Variants in MAN2A1 observed in about 807,000 individuals in gnomAD.
The protein encoded by MAN2A1 is alpha-mannosidase 2.
Under a neutral mutation model 142.6 loss-of-function variants are expected in MAN2A1, and 76 were observed. The observed-to-expected ratio is 0.53, with a 90% CI of 0.44 to 0.65. The LOEUF (loss-of-function observed/expected upper bound fraction) is 0.65, where lower values mean the gene tolerates loss of function less well. MAN2A1 is among the 30% of genes least tolerant of loss of function. The pLI, the probability that MAN2A1 is intolerant of heterozygous loss-of-function variation, is 0.00. For missense variants in MAN2A1, 1,311 were observed against 1,365.1 expected (o/e 0.96, Z 0.62); for synonymous variants, 559 against 473.2 (o/e 1.18, Z -2.35).
rs750687971 is a variant in MAN2A1, at chr5:109,855,305, C to G, written c.3142C>G (p.Leu1048Val). Reference protein sequence around the residue: ...LQSSLPCDIHLVNLRTIQSKV... With the variant: ...LQSSLPCDIHVVNLRTIQSKV... ...GTCATCTTTGCCTTGTGACATTCAT[C>G]TGGTTAATTTGAGAACAATACAGTC... is the stretch of plus-strand genomic sequence containing the variant. The change falls in exon 20 of 22, where the codon CTG becomes GTG. Residue 1048 changes from leucine to valine, a missense_variant. By Grantham distance (32) the Leu-to-Val change is conservative. Around this residue, in one of 3 missense-constraint regions of MAN2A1, gnomAD observed 890 missense variants for 920.5 expected, o/e 0.97. Coordinates refer to ENST00000261483, the MANE Select transcript of MAN2A1 (RefSeq NM_002372.4). The G allele has an allele frequency of 1.9e-6, 3 of 1,596,534 alleles. No individual in the cohort carries two copies. Among genetic ancestry groups the G allele is most frequent in the East Asian group, 4.7e-5 (2 of 42,976 alleles).
chr5:109,741,758 T>C (rs1173633936), intron 4 of MAN2A1, among the ~76,000 whole-genome samples: 3 of 152,230 alleles, frequency 2.0e-5, no homozygotes. Context: ...TATAAGCTTT[T>C]AAAAGTGAAA....
At chr5:109,811,232 C>T (rs1026637070) in intron 12 of MAN2A1, among the ~76,000 whole-genome samples, 1 of 151,636 alleles carries the variant, frequency 6.6e-6, no homozygotes, top group African/African-American at 2.4e-5. Context: ...CATCTAGTAA[C>T]CATTTGTCTT....
chr5:109,860,271 T>C (rs922092200), intron 20 of MAN2A1, among the ~76,000 whole-genome samples: 1 of 152,202 alleles, frequency 6.6e-6, no homozygotes, highest in African/African-American at 2.4e-5. Flanking sequence ...CATTTTATCT[T>C]GTTGATCAAA....
At position 109,847,779 on chromosome 5, in the gene MAN2A1, G is replaced by A. The variant is rs775896983; in HGVS notation, c.2965G>A (p.Ala989Thr). ...LFRILLEKRSAVNTEEEKKSV... is the reference protein window; with the variant it reads ...LFRILLEKRSTVNTEEEKKSV... ...TCGAATACTACTAGAAAAAAGAAGT[G>A]CTGTTAATACGGTATGAAAAAATAA... The change falls in exon 19 of 22, where the codon GCT (alanine) becomes ACT (threonine). Residue 989 changes from alanine (A) to threonine (T), a missense_variant. Physicochemically the swap from Ala to Thr is moderately conservative, Grantham distance 58. This residue lies in a region of MAN2A1 where 890 missense variants were observed against 920.5 expected (regional missense o/e 0.97). Coordinates refer to ENST00000261483, the MANE Select transcript of MAN2A1 (RefSeq NM_002372.4). 86 of 1,582,968 alleles carry A rather than the reference G, an allele frequency of 5.4e-5. 2 individuals are homozygous for A. In the South Asian group the frequency reaches 9.4e-4, roughly 17 times the overall value.
chr5:109,781,630 T>G, intron 9 of MAN2A1, 32 bp downstream of exon 9: 2 of 1,421,422 alleles, frequency 1.4e-6, no homozygotes, highest in South Asian at 2.7e-5. Context: ...TACATGTATT[T>G]TTTCACTTTA....
In MAN2A1 at chr5:109,706,751, G is replaced by GA. The variant is rs11410281; in HGVS notation, c.136-6759dup. Reference sequence around the variant, plus strand: ...GAATCTAACACAATTAGATTTGAAGGAAAAAAAAAACATAAATGAAAGGTG... The same window carrying GA: ...GAATCTAACACAATTAGATTTGAAGGAAAAAAAAAAACATAAATGAAAGGTG... On this transcript the variant is annotated intron_variant, in intron 1 of 21. Coordinates refer to ENST00000261483, the MANE Select transcript of MAN2A1 (RefSeq NM_002372.4). Among the ~76,000 whole-genome samples, 1,205 of 146,940 alleles carry GA rather than the reference G, an allele frequency of 8.2e-3. 25 individuals are homozygous for GA. The highest frequency in any genetic ancestry group is 0.027 in the African/African-American group (1,090 of 40,152).
chr5:109,855,120 T>C lies in MAN2A1; in HGVS notation c.2977-20T>C. 1 of 1,454,444 alleles carries C rather than the reference T, an allele frequency of 6.9e-7. No homozygotes were observed. Among genetic ancestry groups the C allele is most frequent in the Non-Finnish European group, 9.2e-7 (1 of 1,090,710 alleles). The allele number at this position is 1,454,444 out of a possible 1,614,324, so 90.1% of individuals were successfully genotyped here. A position where few individuals can be genotyped will look rare whatever the true frequency, so the allele number is the denominator to read the frequency against. On this transcript the variant is annotated intron_variant, in intron 19 of 21. Transcript: ENST00000261483. ...ACTGGAAATATAGACCTCTTAAACA[T>C]TTTTGTTTTTTCTTGATAGGAAGAA...
intron 4 of MAN2A1, among the ~76,000 whole-genome samples, chr5:109,750,838 A>G (rs1434545115): frequency 1.3e-5 from 2 of 151,938 alleles, no homozygotes; most frequent in Admixed American, 6.6e-5. Context: ...GTTTTATTGT[A>G]TTTTTATATT....
intron 5 of MAN2A1, among the ~76,000 whole-genome samples, chr5:109,758,753 TTTAG>T (rs1398945907): frequency 2.0e-5 from 3 of 150,158 alleles, no homozygotes; most frequent in Non-Finnish European, 4.4e-5. Context: ...AATATTAATT[TTTAG>T]TTAATATTTG....
At chr5:109,739,199 T>C (rs1460662653) in intron 4 of MAN2A1, among the ~76,000 whole-genome samples, 3 of 152,144 alleles carry the variant, frequency 2.0e-5, no homozygotes, top group African/African-American at 7.2e-5. Context: ...TAAAGCTTTC[T>C]TATATAATGC....
intron 1 of MAN2A1, among the ~76,000 whole-genome samples, chr5:109,705,656 G>A (rs1413644870): frequency 2.6e-5 from 4 of 152,146 alleles, no homozygotes; most frequent in East Asian, 1.9e-4. Flanking sequence ...ACTTAGTGGC[G>A]TAAAACAAGA....
rs79029715 is a variant in MAN2A1, at chr5:109,816,462, T to C, written c.1944-811T>C. 2.4e-3 allele frequency among the ~76,000 whole-genome samples: 368 copies of C among 152,298 alleles called. 5 individuals are homozygous for C. Among genetic ancestry groups the C allele is most frequent in the African/African-American group, 8.1e-3 (337 of 41,560 alleles). ...AATTTTTTTTTTCACCATTACTTAC[T>C]ATAAACATTTGGGGCCCTGTTACAA... is the stretch of plus-strand genomic sequence containing the variant. On this transcript the variant is annotated intron_variant, in intron 12 of 21. Coordinates refer to ENST00000261483, the MANE Select transcript of MAN2A1 (RefSeq NM_002372.4).
chr5:109,828,283 C>T (rs915752420), intron 16 of MAN2A1, among the ~76,000 whole-genome samples: 1 of 152,126 alleles, frequency 6.6e-6, no homozygotes, highest in Non-Finnish European at 1.5e-5. Flanking sequence ...ATTAATTTTT[C>T]TTGCAGTATA....
intron 12 of MAN2A1, among the ~76,000 whole-genome samples, chr5:109,789,904 A>C (rs1214287718): frequency 6.6e-6 from 1 of 151,812 alleles, no homozygotes; most frequent in East Asian, 1.9e-4. Flanking sequence ...TGAAAGAAGA[A>C]ACTTTATTAT....
chr5:109,830,595 A>G (rs751457619), intron 16 of MAN2A1, among the ~76,000 whole-genome samples: 2 of 152,234 alleles, frequency 1.3e-5, no homozygotes, highest in African/African-American at 2.4e-5. Flanking sequence ...AAGATTCATG[A>G]AGACATTAAG....
At chr5:109,817,142 G>A in intron 12 of MAN2A1, 131 bp from the exon 13 acceptor site, 1 of 832,316 alleles carries the variant, frequency 1.2e-6, no homozygotes, top group Non-Finnish European at 1.8e-6. Flanking sequence ...CTCCAGCCTG[G>A]GTGACAGAGT....
At chr5:109,713,879 G>T in intron 2 of MAN2A1, 105 bp downstream of exon 2, 4 of 1,014,190 alleles carry the variant, frequency 3.9e-6, no homozygotes, top group South Asian at 3.7e-5. Context: ...TAAACTCTTT[G>T]GATTCTAGTT....
intron 4 of MAN2A1, among the ~76,000 whole-genome samples, chr5:109,730,492 G>T (rs952671946): frequency 6.6e-6 from 1 of 151,442 alleles, no homozygotes; most frequent in Admixed American, 6.6e-5. Context: ...CCAATCTAGA[G>T]GTCAAATAAA....
At chr5:109,719,295 T>C (rs1354674660) in intron 3 of MAN2A1, among the ~76,000 whole-genome samples, 1 of 152,224 alleles carries the variant, frequency 6.6e-6, no homozygotes, top group African/African-American at 2.4e-5. Flanking sequence ...ATTTTAAAAC[T>C]ACAGTGATTT....
Sources: gnomAD v4.1 joint callset for allele counts (sites outside exome capture counted in the v4.1 genomes callset) on GRCh38, gnomAD v4.1.1 for gene constraint, gnomAD v4.1.1 regional missense constraint, MANE v1.5 for transcripts, NCBI Gene and HGNC (gene_info 2026-07-23, HGNC 2026-07-21) for gene names.